Variants in SCN4A observed in about 807,000 individuals in gnomAD.
SCN4A encodes the protein sodium channel protein type 4 subunit alpha.
SCN4A carries 83 observed loss-of-function variants against 162.0 expected under a neutral mutation model. The ratio of observed to expected loss-of-function variants is 0.51; its 90% CI spans 0.43 to 0.61. The LOEUF is 0.61. SCN4A is among the 20% of genes least tolerant of loss of function. The pLI is 0.00. For synonymous variants in SCN4A, 944 were observed against 985.1 expected, an observed-to-expected ratio of 0.96 and a Z score of 0.78; for missense variants, 2,196 against 2,462.5, an observed-to-expected ratio of 0.89 and a Z score of 2.29.
In SCN4A at chr17:63,944,181, C is replaced by T. The variant is rs998296412; in HGVS notation, c.3913-331G>A. ...GTTGAGATGGAGTCTCGCTCTGTCA[C>T]CAGGCTGGAGTGCAGTGGCGCGATC... On this transcript the variant is annotated intron_variant, in intron 21 of 23. Coordinates refer to ENST00000435607, the MANE Select transcript of SCN4A (RefSeq NM_000334.4). This position sits in a 1 kb window ranked among gnomAD's most constrained non-coding sequence, Gnocchi z 4.3. Among the ~76,000 whole-genome samples, 1 of 152,000 alleles carries T rather than the reference C, an allele frequency of 6.6e-6. No homozygotes were observed. Among genetic ancestry groups the T allele is most frequent in the African/African-American group, 2.4e-5 (1 of 41,382 alleles).
At chr17:63,956,079 G>T (rs1180342000) in intron 13 of SCN4A, among the ~76,000 whole-genome samples, 1 of 152,250 alleles carries the variant, frequency 6.6e-6, no homozygotes, top group Non-Finnish European at 1.5e-5. Flanking sequence ...AGAGGCCCTA[G>T]CCGCAGAAAT....
intron 8 of SCN4A, 113 bp from the exon 9 acceptor site, chr17:63,964,790 C>A: frequency 1.3e-6 from 1 of 798,126 alleles, no homozygotes. Flanking sequence ...CCCTCCCTCA[C>A]AGAGCCTGGG....
At chr17:63,971,912 G>T in intron 3 of SCN4A, 62 bp from the exon 4 acceptor site, 2 of 1,539,864 alleles carry the variant, frequency 1.3e-6, no homozygotes, top group South Asian at 1.1e-5. Flanking sequence ...GTGTGGCAAC[G>T]ACAGACCCCC....
chr17:63,950,325 CAG>C lies in SCN4A; in HGVS notation c.2854-799_2854-798del, dbSNP rs767523852. ...TTAGACTAAAAGGGAAACTGAGGCA[CAG>C]AGTGTTAGGTCAGCCAGGGCATCCA... On this transcript the variant is annotated intron_variant, in intron 14 of 23. Coordinates refer to ENST00000435607, the MANE Select transcript of SCN4A (RefSeq NM_000334.4). This position sits in a 1 kb window ranked among gnomAD's most constrained non-coding sequence, Gnocchi z 4.6. Among the ~76,000 whole-genome samples the C allele has an allele frequency of 8.5e-5, 13 of 152,140 alleles. No homozygotes were observed. Among genetic ancestry groups the C allele is most frequent in the East Asian group, 3.9e-4 (2 of 5,184 alleles).
In SCN4A at chr17:63,972,842, C is replaced by T. The variant is rs1302917725; in HGVS notation, c.-1G>A. On this transcript the variant is annotated 5_prime_UTR_variant, in exon 1 of 24. Transcript: ENST00000435607. This position sits in a 1 kb window ranked among gnomAD's most constrained non-coding sequence, Gnocchi z 4.3. ...GGGTGCACAGAGATGGTCTGGCCAT[C>T]CTCGCATCCTGGGCTCAGAGACCAG... The T allele has an allele frequency of 1.2e-6, 2 of 1,604,738 alleles. No homozygotes were observed.
chr17:63,963,965 G>C, intron 9 of SCN4A, 140 bp from the exon 10 acceptor site: 1 of 771,804 alleles, frequency 1.3e-6, no homozygotes, highest in Non-Finnish European at 2.0e-6. Context: ...GTGCAGGTGG[G>C]GGAGGGACCA....
At position 63,972,779 on chromosome 17, in the gene SCN4A, G is replaced by A. The variant is rs1341731378; in HGVS notation, c.63C>T (p.Thr21=). Residue 21 remains threonine (T), a synonymous_variant, in exon 1 of 24, where the codon ACC becomes ACT. Coordinates refer to ENST00000435607, the MANE Select transcript of SCN4A (RefSeq NM_000334.4). This position sits in a 1 kb window ranked among gnomAD's most constrained non-coding sequence, Gnocchi z 4.3. Reference sequence around the variant, plus strand: ...GTTCTATGGCTGCCAGTGACTCCCGGGTGAAGGGGCGCAAGCACTCAGGGC... The same window carrying A: ...GTTCTATGGCTGCCAGTGACTCCCGAGTGAAGGGGCGCAAGCACTCAGGGC... ...PLGPECLRPF[T]RESLAAIEQR... 1 of 1,613,746 alleles carries A rather than the reference G, an allele frequency of 6.2e-7. No individual in the cohort carries two copies. The highest frequency in any genetic ancestry group is 1.1e-5 in the South Asian group (1 of 91,034).
chr17:63,972,450 C>G lies in SCN4A; in HGVS notation c.294G>C (p.Lys98Asn), dbSNP rs1909643063. The G allele has an allele frequency of 1.2e-6, 2 of 1,613,876 alleles. No individual in the cohort carries two copies. The highest frequency in any genetic ancestry group is 1.7e-6 in the Non-Finnish European group (2 of 1,179,840). ...CGGAGAAGCGGAAGATGGCCTTGCC[C>G]TTGTTGAGTACGATGAAGGTCTAAG... ...SNKKTFIVLN[K>N]GKAIFRFSAT... Residue 98 changes from lysine to asparagine, a missense_variant, in exon 2 of 24, where the codon AAG becomes AAC. By Grantham distance (94) the Lys-to-Asn change is moderately conservative (BLOSUM62 0). Coordinates refer to ENST00000435607, the MANE Select transcript of SCN4A (RefSeq NM_000334.4). This position sits in a 1 kb window ranked among gnomAD's most constrained non-coding sequence, Gnocchi z 4.3.
Position 63,941,076 on chromosome 17 carries a change from T to C in SCN4A, c.5206A>G (p.Arg1736Gly). 1 of 1,613,950 alleles carries C rather than the reference T, an allele frequency of 6.2e-7. No individual in the cohort carries two copies. The highest frequency in any genetic ancestry group is 8.5e-7 in the Non-Finnish European group (1 of 1,179,864). ...HEEVCAIKIQ[R>G]AYRRHLLQRS... The stretch of plus-strand genomic sequence containing the variant: ...TGTAGCAGGTGCCGGCGGTAGGCCC[T>C]CTGGATCTTGATGGCGCACACCTCC... Residue 1736 changes from arginine to glycine, a missense_variant, in exon 24 of 24, where the codon AGG becomes GGG. Transcript: ENST00000435607. The surrounding 1 kb of genome is among the most constrained non-coding windows in gnomAD (Gnocchi z 6.2).
At position 63,946,221 on chromosome 17, in the gene SCN4A, C is replaced by A. The variant is rs184118065; in HGVS notation, c.3442-583G>T. 2.4e-4 allele frequency among the ~76,000 whole-genome samples: 36 copies of A among 152,310 alleles called. 1 individual carries two copies. The highest frequency in any genetic ancestry group is 1.9e-3 in the Admixed American group (29 of 15,300). On this transcript the variant is annotated intron_variant, in intron 18 of 23. Coordinates refer to ENST00000435607, the MANE Select transcript of SCN4A (RefSeq NM_000334.4). The stretch of plus-strand genomic sequence containing the variant: ...CACAAGCCTGGTGTGCCCAGGGGAG[C>A]TCTGTTCCTGGTTGGGGCACTGACC...
In SCN4A at chr17:63,968,041, C is replaced by T. The variant is rs147936148; in HGVS notation, c.1018G>A (p.Ala340Thr). The part of the protein sequence containing the change: ...WATNDTFDWD[A>T]YISDEGNFYF... ...TTCTTACCTTCATCACTGATGTAGG[C>T]GTCCCAATCAAAGGTATCGTTGGTG... Residue 340 changes from alanine to threonine, a missense_variant, in exon 6 of 24, where the codon GCC (alanine) becomes ACC (threonine). Physicochemically the swap from Ala to Thr is moderately conservative, Grantham distance 58. Transcript: ENST00000435607. 168 of 1,613,834 alleles carry T rather than the reference C, an allele frequency of 1.0e-4. No individual in the cohort carries two copies. In the East Asian group the frequency reaches 2.3e-3, roughly 22 times the overall value.
chr17:63,942,440 C>A (rs1908573021), intron 23 of SCN4A, among the ~76,000 whole-genome samples: 1 of 152,204 alleles, frequency 6.6e-6, no homozygotes, highest in African/African-American at 2.4e-5. Flanking sequence ...TTATGAACAA[C>A]AGGTGAGATA....
chr17:63,951,637 C>T lies in SCN4A; in HGVS notation c.2640G>A (p.Lys880=). 6.2e-7 allele frequency: 1 copy of T among 1,611,402 alleles called. No individual in the cohort carries two copies. The highest frequency in any genetic ancestry group is 1.1e-5 in the South Asian group (1 of 90,636). Residue 880 remains lysine (K), a synonymous_variant, in exon 14 of 24, where the codon AAG becomes AAA. Coordinates refer to ENST00000435607, the MANE Select transcript of SCN4A (RefSeq NM_000334.4). This position sits in a 1 kb window ranked among gnomAD's most constrained non-coding sequence, Gnocchi z 4.5. ...AGETAPEDEK[K]EPPEEDLKKD... ...TCTTCAGGTCCTCCTCGGGCGGCTC[C>T]TTCTTCTCATCCTCGGGGGCAGTCT...
intron 22 of SCN4A, 116 bp from the exon 23 acceptor site, chr17:63,943,212 C>CAGAGAGAG (rs111745569): frequency 5.4e-6 from 2 of 369,024 alleles, no homozygotes; most frequent in Non-Finnish European, 7.7e-6. Context: ...ACAGAGATGA[C>CAGAGAGAG]AGAGAGAGAG....
At chr17:63,961,703 G>T in intron 10 of SCN4A, 1 of 472,220 alleles carries the variant, frequency 2.1e-6, no homozygotes, top group Non-Finnish European at 3.8e-6. Context: ...GCACCCTCCA[G>T]ATCCCGCCCT....
Position 63,972,270 on chromosome 17 carries a change from G to A in SCN4A, c.393-45C>T. The A allele has an allele frequency of 6.3e-7, 1 of 1,590,952 alleles. No individual in the cohort carries two copies. The highest frequency in any genetic ancestry group is 8.6e-7 in the Non-Finnish European group (1 of 1,162,102). ...AGTGAGGAAGCAGCTAGGATGGGAG[G>A]TGATAGAGGGTCTCCTGGGCCACAG... On this transcript the variant is annotated intron_variant, in intron 2 of 23. Coordinates refer to ENST00000435607, the MANE Select transcript of SCN4A (RefSeq NM_000334.4). The surrounding 1 kb of genome is among the most constrained non-coding windows in gnomAD (Gnocchi z 4.3).
In SCN4A at chr17:63,944,319, AT is replaced by A. The variant is rs918992269; in HGVS notation, c.3912+353del. Among the ~76,000 whole-genome samples the A allele has an allele frequency of 1.7e-4, 26 of 151,386 alleles. No individual in the cohort carries two copies. Among genetic ancestry groups the A allele is most frequent in the Non-Finnish European group, 3.4e-4 (23 of 67,814 alleles). ...CACGCCTGGCTAATTTCTTTTTTTAATTTTTTTTGTATTTTTAGTATAGACA... is the reference window on the plus strand; with the variant it reads ...CACGCCTGGCTAATTTCTTTTTTTAATTTTTTTGTATTTTTAGTATAGACA... On this transcript the variant is annotated intron_variant, in intron 21 of 23. Coordinates refer to ENST00000435607, the MANE Select transcript of SCN4A (RefSeq NM_000334.4). The surrounding 1 kb of genome is among the most constrained non-coding windows in gnomAD (Gnocchi z 4.3).
At position 63,946,903 on chromosome 17, in the gene SCN4A, C is replaced by T. The variant is rs1908742411; in HGVS notation, c.3441+142G>A. On this transcript the variant is annotated intron_variant, in intron 18 of 23. Transcript: ENST00000435607. ...CAGCTAGGGGAGGTGGGGGCCAGAC[C>T]TGGCCTCAGGCAGGGCCGTGGGTCC... 2 of 800,764 alleles carry T rather than the reference C, an allele frequency of 2.5e-6. 1 individual carries two copies. Among genetic ancestry groups the T allele is most frequent in the South Asian group, 3.5e-5 (2 of 56,470 alleles). 49.6% of individuals were successfully genotyped at this position (800,764 alleles called of 1,614,324 possible). A position where few individuals can be genotyped will look rare whatever the true frequency, so the allele number is the denominator to read the frequency against.
chr17:63,966,710 A>G (rs1391124376), intron 6 of SCN4A, among the ~76,000 whole-genome samples, 166 bp from the exon 7 acceptor site: 1 of 152,208 alleles, frequency 6.6e-6, no homozygotes, highest in African/African-American at 2.4e-5. Context: ...CCAAGTTCCA[A>G]GGTCTCTGGG....
Sources: gnomAD v4.1 joint callset for allele counts (sites outside exome capture counted in the v4.1 genomes callset) on GRCh38, gnomAD v4.1.1 for gene constraint, Gnocchi (gnomAD v3.1) non-coding constraint, MANE v1.5 for transcripts, NCBI Gene and HGNC (gene_info 2026-07-23, HGNC 2026-07-21) for gene names.